Variants in UBAC2 observed in about 807,000 individuals in gnomAD.
The protein encoded by UBAC2 is UBA domain containing 2.
In UBAC2, 26 loss-of-function variants were observed where a neutral mutation model predicts 44.0. That is an observed-to-expected ratio of 0.59 (90% CI 0.43 to 0.82). The LOEUF is 0.82. UBAC2 is among the 40% of genes least tolerant of loss of function. The probability of loss-of-function intolerance (pLI) is 0.00; values close to 1 mark genes in which losing one functional copy is unlikely to be tolerated. For synonymous variants in UBAC2, 155 were observed against 154.3 expected (o/e 1.00, Z -0.04); for missense variants, 329 against 419.4 (o/e 0.78, Z 1.88).
At chr13:99,254,829 GT>G in intron 4 of UBAC2, 1 of 1,438,088 alleles carries the variant, frequency 7.0e-7, no homozygotes, top group Non-Finnish European at 9.6e-7. Context: ...CGCCAGAGTA[GT>G]TAGTGAAGTG....
At chr13:99,324,006 C>T (rs534372956) in intron 6 of UBAC2, among the ~76,000 whole-genome samples, 1 of 152,282 alleles carries the variant, frequency 6.6e-6, no homozygotes, top group South Asian at 2.1e-4. Flanking sequence ...AATCTAGCCT[C>T]CTTTCAAAAT....
At chr13:99,275,624 C>T (rs769262213) in intron 4 of UBAC2, among the ~76,000 whole-genome samples, 1 of 151,960 alleles carries the variant, frequency 6.6e-6, no homozygotes, top group East Asian at 1.9e-4. Context: ...AGGATAGTTT[C>T]TTCACTACCT....
chr13:99,237,675 C>T (rs1020862893), intron 1 of UBAC2, among the ~76,000 whole-genome samples: 34 of 152,230 alleles, frequency 2.2e-4, no homozygotes, highest in Non-Finnish European at 4.0e-4. Flanking sequence ...ATTACCCGGG[C>T]TGGGTGCCGT....
chr13:99,317,989 T>C, intron 5 of UBAC2, 33 bp from the exon 6 acceptor site: 2 of 1,589,956 alleles, frequency 1.3e-6, no homozygotes, highest in Non-Finnish European at 1.7e-6. Context: ...AGTTGAATTT[T>C]ATTTTTAGTT....
rs118077233 is a variant in UBAC2 at position 99,336,643 on chromosome 13, A to G, written c.562-3677A>G. Among the ~76,000 whole-genome samples, 44 of 152,168 alleles carry G rather than the reference A, an allele frequency of 2.9e-4. No homozygotes were observed. The East Asian group carries it at 7.3e-3, about 25-fold the overall frequency. On this transcript the variant is annotated intron_variant, in intron 6 of 8. Coordinates refer to ENST00000403766, the MANE Select transcript of UBAC2 (RefSeq NM_001144072.2). ...TTCTAGGCTCTTGTTCTCTTGGTCT[A>G]TTTAAGTAACCCTAGATAAAGACCA...
At chr13:99,218,431 T>A (rs1010505970) in intron 1 of UBAC2, among the ~76,000 whole-genome samples, 1 of 152,184 alleles carries the variant, frequency 6.6e-6, no homozygotes, top group Non-Finnish European at 1.5e-5. Flanking sequence ...TCACACTGTT[T>A]AAGTATTTTA....
chr13:99,259,943 TG>T (rs2043633851), intron 4 of UBAC2, among the ~76,000 whole-genome samples: 1 of 152,254 alleles, frequency 6.6e-6, no homozygotes, highest in South Asian at 2.1e-4. Context: ...CAGGAGCACC[TG>T]AGGGCTCTCC....
chr13:99,228,310 C>T (rs534685920), intron 1 of UBAC2, among the ~76,000 whole-genome samples: 4 of 149,516 alleles, frequency 2.7e-5, no homozygotes, highest in Admixed American at 6.7e-5. Context: ...TTTTTTGATA[C>T]GGAATCTCGC....
intron 2 of UBAC2, among the ~76,000 whole-genome samples, chr13:99,240,548 T>C (rs545247358): frequency 4.6e-5 from 7 of 152,214 alleles, no homozygotes; most frequent in Non-Finnish European, 1.0e-4. Context: ...CTGCCTCTTA[T>C]GGTTTTTGAA....
intron 2 of UBAC2, among the ~76,000 whole-genome samples, chr13:99,243,069 A>G (rs2043338695): frequency 6.6e-6 from 1 of 152,194 alleles, no homozygotes; most frequent in Non-Finnish European, 1.5e-5. Flanking sequence ...CTGTTTTACC[A>G]CAATAAAAAT....
chr13:99,228,871 C>T (rs193193878), intron 1 of UBAC2, among the ~76,000 whole-genome samples: 1 of 152,178 alleles, frequency 6.6e-6, no homozygotes, highest in Non-Finnish European at 1.5e-5. Flanking sequence ...CTCACAAGAC[C>T]TTACCAGAGA....
At chr13:99,240,040 G>A (rs2043282501) in intron 2 of UBAC2, among the ~76,000 whole-genome samples, 1 of 152,176 alleles carries the variant, frequency 6.6e-6, no homozygotes, top group Non-Finnish European at 1.5e-5. Context: ...CAGACCCTTA[G>A]GAGTGTGGTA....
chr13:99,355,015 G>A (rs532152688), intron 7 of UBAC2, among the ~76,000 whole-genome samples: 1 of 152,162 alleles, frequency 6.6e-6, no homozygotes, highest in Non-Finnish European at 1.5e-5. Context: ...AACGCAGATA[G>A]GCAAGTGCGG....
chr13:99,348,737 A>T (rs1024356193), intron 7 of UBAC2, among the ~76,000 whole-genome samples: 4 of 152,356 alleles, frequency 2.6e-5, no homozygotes, highest in Middle Eastern at 3.4e-3. Flanking sequence ...TAGGCTGGCC[A>T]CAGTGGCTCA....
chr13:99,330,668 A>G (rs1398690690), intron 6 of UBAC2, among the ~76,000 whole-genome samples: 2 of 151,816 alleles, frequency 1.3e-5, no homozygotes, highest in African/African-American at 2.4e-5. Flanking sequence ...TCTTTATTAT[A>G]CTAGCTAGGA....
chr13:99,230,462 C>CT (rs2043159711), intron 1 of UBAC2, among the ~76,000 whole-genome samples: 1 of 152,108 alleles, frequency 6.6e-6, no homozygotes, highest in Admixed American at 6.6e-5. Flanking sequence ...GAGCAAGACT[C>CT]TGTCTCCTCA....
intron 8 of UBAC2, among the ~76,000 whole-genome samples, chr13:99,372,837 G>A (rs920386597): frequency 6.6e-6 from 1 of 152,198 alleles, no homozygotes; most frequent in African/African-American, 2.4e-5. Context: ...TATCCAGGCC[G>A]GGCGCGGTGG....
intron 6 of UBAC2, among the ~76,000 whole-genome samples, chr13:99,333,776 G>A (rs1175094260): frequency 1.3e-5 from 2 of 152,124 alleles, no homozygotes; most frequent in Admixed American, 1.3e-4. Context: ...TTGTCATTGT[G>A]GGGGCAGGGA....
At chr13:99,281,917 A>ATG (rs1225649775) in intron 4 of UBAC2, among the ~76,000 whole-genome samples, 1 of 152,208 alleles carries the variant, frequency 6.6e-6, no homozygotes, top group African/African-American at 2.4e-5. Context: ...AGCAGACCTA[A>ATG]TGTATCCAGT....
Sources: allele counts gnomAD v4.1 joint callset (sites outside exome capture counted in the v4.1 genomes callset), GRCh38; gene constraint gnomAD v4.1.1; transcripts MANE v1.5; gene names NCBI Gene and HGNC (gene_info 2026-07-23, HGNC 2026-07-21).